BYSL: variants seen among roughly 807,000 people sequenced by gnomAD.
BYSL encodes the protein bystin like.
In BYSL, 21 loss-of-function variants were observed where a neutral mutation model predicts 45.4. The observed-to-expected ratio is 0.46, with a 90% CI of 0.33 to 0.67. The LOEUF (loss-of-function observed/expected upper bound fraction) is 0.67. Ranked by LOEUF, BYSL falls within the 30% of genes least tolerant of loss-of-function variation. The pLI is 0.02. For missense variants in BYSL, 522 were observed against 578.5 expected (o/e 0.90, Z 1.00); for synonymous variants, 215 against 231.3 (o/e 0.93, Z 0.64).
chr6:41,915,789 A>ACACACACACACACACACACACAC, the BYSL span, among the ~76,000 whole-genome samples: 1 of 148,710 alleles, frequency 6.7e-6, no homozygotes, highest in African/African-American at 2.5e-5. Context: ...TCCGTCTCAA[A>ACACACACACACACACACACACAC]ACACACACAC....
At chr6:41,927,641 G>A in intron 2 of BYSL, 105 bp downstream of exon 2, 1 of 1,423,416 alleles carries the variant, frequency 7.0e-7, no homozygotes, top group Non-Finnish European at 9.5e-7. Flanking sequence ...GGGCCCTGGA[G>A]TTGCTAGCTG....
intron 2 of BYSL, among the ~76,000 whole-genome samples, chr6:41,929,605 C>T (rs1775608583): frequency 6.6e-6 from 1 of 152,220 alleles, no homozygotes; most frequent in Non-Finnish European, 1.5e-5. Context: ...ATGTTTGATA[C>T]ACCCAACAAT....
At chr6:41,925,692 T>G (rs1364503440) in intron 1 of BYSL, among the ~76,000 whole-genome samples, 1 of 149,860 alleles carries the variant, frequency 6.7e-6, no homozygotes, top group African/African-American at 2.5e-5. Context: ...ATTTATTTAT[T>G]TTTTTGAGAC....
upstream of BYSL, among the ~76,000 whole-genome samples, chr6:41,918,510 G>GA (rs1031744505): frequency 1.1e-3 from 125 of 116,484 alleles, no homozygotes; most frequent in East Asian, 0.011. Flanking sequence ...ATCTCAAAAA[G>GA]AAAAAAAAAA....
upstream of BYSL, among the ~76,000 whole-genome samples, chr6:41,919,293 A>C (rs1308588336): frequency 6.6e-6 from 1 of 152,174 alleles, no homozygotes; most frequent in African/African-American, 2.4e-5. Context: ...TGCCTGTATA[A>C]GGATGTAGTG....
Position 41,921,500 on chromosome 6 carries a change from A to G in BYSL, c.-63A>G. 4.7e-6 allele frequency: 7 copies of G among 1,501,000 alleles called. No individual in the cohort carries two copies. The highest frequency in any genetic ancestry group is 6.2e-6 in the Non-Finnish European group (7 of 1,125,878). 93.0% of individuals were successfully genotyped at this position (1,501,000 alleles called of 1,614,324 possible). ...TTGGGCGCTGGGAGTCCACCGCGCAAGCGCATCCTGGCCTTTCTTCAGTCC... is the reference window on the plus strand; with the variant it reads ...TTGGGCGCTGGGAGTCCACCGCGCAGGCGCATCCTGGCCTTTCTTCAGTCC... On this transcript the variant is annotated 5_prime_UTR_variant, in exon 1 of 7. Coordinates refer to ENST00000230340, the MANE Select transcript of BYSL (RefSeq NM_004053.4).
chr6:41,924,168 C>G (rs541519575), intron 1 of BYSL, among the ~76,000 whole-genome samples: 2 of 151,488 alleles, frequency 1.3e-5, no homozygotes, highest in Non-Finnish European at 2.9e-5. Flanking sequence ...TCAAGCGATT[C>G]TCCTGCCTCA....
At chr6:41,924,560 T>G (rs1037731490) in intron 1 of BYSL, among the ~76,000 whole-genome samples, 3 of 152,212 alleles carry the variant, frequency 2.0e-5, no homozygotes, top group African/African-American at 7.2e-5. Context: ...CCCCGAACAG[T>G]GCCTCACATA....
At chr6:41,922,356 T>TA (rs1775497057) in intron 1 of BYSL, among the ~76,000 whole-genome samples, 1 of 152,188 alleles carries the variant, frequency 6.6e-6, no homozygotes, top group African/African-American at 2.4e-5. Flanking sequence ...TGGGAAGTGT[T>TA]ATGAGCAGAA....
At chr6:41,912,994 C>G in the BYSL span, 1 of 151,706 alleles carries the variant, frequency 6.6e-6, no homozygotes, top group Non-Finnish European at 1.5e-5. Context: ...CCTGTGGCCC[C>G]AGCTATTTAG....
rs769681741 is a variant in BYSL at position 41,930,721 on chromosome 6, C to T, written c.657C>T (p.Val219=). The T allele has an allele frequency of 1.2e-6, 2 of 1,614,120 alleles. No individual in the cohort carries two copies. The change falls in exon 4 of 7, where the codon GTC becomes GTT. Residue 219 remains valine, a synonymous_variant. Transcript: ENST00000230340. ...CCAACTGGGAGCAAATCCTCTACGT[C>T]ACAGAGCCGGAGGCCTGGACTGCAG... ...ALSNWEQILY[V]TEPEAWTAAA...
At chr6:41,931,705 G>A in intron 5 of BYSL, 23 bp from the exon 6 acceptor site, 2 of 1,610,934 alleles carry the variant, frequency 1.2e-6, no homozygotes, top group Middle Eastern at 3.3e-4. Context: ...GGCTCACAGT[G>A]GCTGCCCTTT....
the BYSL span, among the ~76,000 whole-genome samples, chr6:41,911,173 CAG>C: frequency 6.9e-6 from 1 of 143,920 alleles, no homozygotes; most frequent in Non-Finnish European, 1.5e-5. Context: ...TTTTTTGAGA[CAG>C]AGTCTCACTC....
upstream of BYSL, chr6:41,916,912 G>C: frequency 6.2e-7 from 1 of 1,613,914 alleles, no homozygotes; most frequent in Admixed American, 1.7e-5. Flanking sequence ...GAACACTCTT[G>C]CCCTCGGCCA....
chr6:41,918,123 A>G (rs1225445051), upstream of BYSL, among the ~76,000 whole-genome samples: 2 of 152,232 alleles, frequency 1.3e-5, no homozygotes, highest in African/African-American at 4.8e-5. Context: ...ACAACGTGCC[A>G]GACTGCATCC....
chr6:41,921,505 A>C lies in BYSL; in HGVS notation c.-58A>C. On this transcript the variant is annotated 5_prime_UTR_variant, in exon 1 of 7. Coordinates refer to ENST00000230340, the MANE Select transcript of BYSL (RefSeq NM_004053.4). Reference sequence around the variant, plus strand: ...CGCTGGGAGTCCACCGCGCAAGCGCATCCTGGCCTTTCTTCAGTCCCCACG... The same window carrying C: ...CGCTGGGAGTCCACCGCGCAAGCGCCTCCTGGCCTTTCTTCAGTCCCCACG... The C allele has an allele frequency of 6.6e-7, 1 of 1,514,398 alleles. No individual in the cohort carries two copies. The highest frequency in any genetic ancestry group is 8.8e-7 in the Non-Finnish European group (1 of 1,131,892). 93.8% of individuals were successfully genotyped at this position (1,514,398 alleles called of 1,614,324 possible).
At chr6:41,909,886 A>G in the BYSL span, among the ~76,000 whole-genome samples, 4 of 152,332 alleles carry the variant, frequency 2.6e-5, no homozygotes, top group South Asian at 8.3e-4. Flanking sequence ...ATATTATCAT[A>G]TATTACATAA....
chr6:41,913,469 A>G, the BYSL span, among the ~76,000 whole-genome samples: 1 of 152,198 alleles, frequency 6.6e-6, no homozygotes, highest in East Asian at 1.9e-4. Context: ...CAAATGTTTT[A>G]TTACCCAAAT....
At chr6:41,927,302 G>A in intron 1 of BYSL, 72 bp from the exon 2 acceptor site, 1 of 1,566,230 alleles carries the variant, frequency 6.4e-7, no homozygotes, top group African/African-American at 1.3e-5. Flanking sequence ...CTACATAATG[G>A]CTAAAGTTAA....
Sources: allele counts gnomAD v4.1 joint callset (sites outside exome capture counted in the v4.1 genomes callset), GRCh38; gene constraint gnomAD v4.1.1; transcripts MANE v1.5; gene names NCBI Gene and HGNC (gene_info 2026-07-23, HGNC 2026-07-21).